IGSF21: variants seen among roughly 807,000 people sequenced by gnomAD.
IGSF21 encodes immunoglobulin superfamily member 21.
In IGSF21, 28 loss-of-function variants were observed where a neutral mutation model predicts 46.8. That is an observed-to-expected ratio of 0.60 (90% CI 0.44 to 0.82). IGSF21 has a LOEUF of 0.82. Ranked by LOEUF, IGSF21 falls within the 40% of genes least tolerant of loss-of-function variation. IGSF21 has a pLI of 0.00. For missense variants in IGSF21, 624 were observed against 665.5 expected (o/e 0.94, Z 0.69); for synonymous variants, 284 against 273.6 (o/e 1.04, Z -0.38).
At chr1:18,199,898 C>A (rs181868651) in intron 1 of IGSF21, among the ~76,000 whole-genome samples, 5 of 147,068 alleles carry the variant, frequency 3.4e-5, no homozygotes, top group East Asian at 2.0e-4. Flanking sequence ...CCCGGCCCCC[C>A]CCTACCCCCG....
chr1:18,342,702 G>C (rs1050602537), intron 4 of IGSF21, among the ~76,000 whole-genome samples: 1 of 152,156 alleles, frequency 6.6e-6, no homozygotes, highest in African/African-American at 2.4e-5. Context: ...GTCTTTTGTG[G>C]CTAGTTTCTT....
At chr1:18,185,900 T>TCTGAGC (rs1050694445) in intron 1 of IGSF21, among the ~76,000 whole-genome samples, 10 of 152,228 alleles carry the variant, frequency 6.6e-5, no homozygotes, top group African/African-American at 2.4e-4. Context: ...ATTGCCCCTC[T>TCTGAGC]CTGAGCCTCA....
At chr1:18,270,158 T>C (rs2085029117) in intron 2 of IGSF21, among the ~76,000 whole-genome samples, 1 of 152,180 alleles carries the variant, frequency 6.6e-6, no homozygotes, top group African/African-American at 2.4e-5. Context: ...TTTCTTGTGG[T>C]TGAACTACCA....
At chr1:18,216,835 T>G (rs1057321600) in intron 1 of IGSF21, among the ~76,000 whole-genome samples, 3 of 152,108 alleles carry the variant, frequency 2.0e-5, no homozygotes, top group Non-Finnish European at 1.5e-5. Context: ...CTAGAAGATA[T>G]GGTTGCAGTA....
At chr1:18,208,548 A>ATTTTTTTTTTT (rs10601446) in intron 1 of IGSF21, among the ~76,000 whole-genome samples, 1 of 85,852 alleles carries the variant, frequency 1.2e-5, no homozygotes, top group African/African-American at 4.5e-5. Flanking sequence ...AGCCCAGCTA[A>ATTTTTTTTTTT]TTTTTTTTTT....
intron 1 of IGSF21, among the ~76,000 whole-genome samples, chr1:18,132,654 C>T (rs866828351): frequency 2.5e-4 from 38 of 152,120 alleles, no homozygotes; most frequent in African/African-American, 8.7e-4. Flanking sequence ...CTTTTCTTCT[C>T]CCTGGCAAAG....
At chr1:18,169,838 G>T (rs1382487255) in intron 1 of IGSF21, among the ~76,000 whole-genome samples, 7 of 152,148 alleles carry the variant, frequency 4.6e-5, no homozygotes, top group African/African-American at 1.7e-4. Context: ...GCTGCCTGTT[G>T]ATGGGGGAGG....
chr1:18,180,559 G>A lies in IGSF21; in HGVS notation c.71-47339G>A, dbSNP rs74055953. On this transcript the variant is annotated intron_variant, in intron 1 of 9. Transcript: ENST00000251296. Reference sequence around the variant, plus strand: ...CAAGGTTTGAGCAAAAAAGTGGTTTGGAAGGCGCAGTTATGGAAGGATGAG... The same window carrying A: ...CAAGGTTTGAGCAAAAAAGTGGTTTAGAAGGCGCAGTTATGGAAGGATGAG... 4.0e-3 allele frequency among the ~76,000 whole-genome samples: 615 copies of A among 152,282 alleles called. 5 individuals carry two copies. The highest frequency in any genetic ancestry group is 0.014 in the African/African-American group (590 of 41,546).
At chr1:18,291,767 T>C (rs2124565710) in intron 2 of IGSF21, 99 bp from the exon 3 acceptor site, 1 of 1,438,768 alleles carries the variant, frequency 7.0e-7, no homozygotes, top group South Asian at 1.3e-5. Flanking sequence ...GCTGTCCTTC[T>C]TCTGGGCTTC....
chr1:18,296,712 CA>C (rs984379706), intron 3 of IGSF21, among the ~76,000 whole-genome samples: 4 of 152,170 alleles, frequency 2.6e-5, no homozygotes, highest in African/African-American at 9.7e-5. Context: ...ACCCCCTCCC[CA>C]TGGAATGTGG....
intron 1 of IGSF21, among the ~76,000 whole-genome samples, chr1:18,197,886 A>G (rs1343969599): frequency 6.6e-6 from 1 of 152,192 alleles, no homozygotes; most frequent in East Asian, 1.9e-4. Context: ...ACTGTGTCTT[A>G]GCTGTGCTGA....
intron 2 of IGSF21, among the ~76,000 whole-genome samples, chr1:18,251,405 G>C (rs116227214): frequency 1.3e-5 from 2 of 152,094 alleles, no homozygotes; most frequent in Admixed American, 6.5e-5. Flanking sequence ...TCTTATTCAC[G>C]GAAAGTTGGA....
chr1:18,335,027 T>G lies in IGSF21; in HGVS notation c.424+17T>G, dbSNP rs765108131. ...ACGTCATGGGTGAGTGCAGGGCCAC[T>G]GGCCCCTGGTGTCTCAGTGAGGAGG... is the stretch of plus-strand genomic sequence containing the variant. On this transcript the variant is annotated intron_variant, in intron 4 of 9. Transcript: ENST00000251296. The surrounding 1 kb of genome is among the most constrained non-coding windows in gnomAD (Gnocchi z 4.8). 2.5e-6 allele frequency: 4 copies of G among 1,575,170 alleles called. No individual in the cohort carries two copies. The highest frequency in any genetic ancestry group is 3.5e-6 in the Non-Finnish European group (4 of 1,144,412).
intron 1 of IGSF21, chr1:18,178,912 G>A (rs776897443): frequency 4.6e-5 from 7 of 152,156 alleles, no homozygotes; most frequent in Non-Finnish European, 8.8e-5. Context: ...TTAGATAACC[G>A]TGACACCTGT....
intron 1 of IGSF21, among the ~76,000 whole-genome samples, chr1:18,208,240 A>T (rs903738367): frequency 4.6e-5 from 7 of 151,064 alleles, no homozygotes; most frequent in African/African-American, 1.5e-4. Context: ...AACCCACCTG[A>T]TCTCCTTGCC....
rs188540402 is a variant in IGSF21 at position 18,266,275 on chromosome 1, C to T, written c.184-25591C>T. Among the ~76,000 whole-genome samples, 27 of 152,256 alleles carry T rather than the reference C, an allele frequency of 1.8e-4. No individual in the cohort carries two copies. In the East Asian group the frequency reaches 2.5e-3, roughly 14 times the overall value. On this transcript the variant is annotated intron_variant, in intron 2 of 9. Transcript: ENST00000251296. ...GGTAACTTGTTCCAGGCCACACAGCCAGTATATGGTAGAGCCAGGAGCTGA... is the reference window on the plus strand; with the variant it reads ...GGTAACTTGTTCCAGGCCACACAGCTAGTATATGGTAGAGCCAGGAGCTGA...
chr1:18,227,518 C>T (rs902374829), intron 1 of IGSF21, among the ~76,000 whole-genome samples: 1 of 151,552 alleles, frequency 6.6e-6, no homozygotes, highest in East Asian at 1.9e-4. Flanking sequence ...GGTGGAGGGG[C>T]GATGTTGGGG....
rs931376652 is a variant in IGSF21 at position 18,310,539 on chromosome 1, G to A, written c.305+18552G>A. Among the ~76,000 whole-genome samples the A allele has an allele frequency of 4.6e-5, 7 of 152,352 alleles. 1 individual carries two copies. The highest frequency in any genetic ancestry group is 1.7e-4 in the African/African-American group (7 of 41,586). Reference sequence around the variant, plus strand: ...CTGTTGCTTCCAGTTTTTGAGCCATGACAAGTAAAGCTGCTTTGAATGTAA... The same window carrying A: ...CTGTTGCTTCCAGTTTTTGAGCCATAACAAGTAAAGCTGCTTTGAATGTAA... On this transcript the variant is annotated intron_variant, in intron 3 of 9. Transcript: ENST00000251296.
chr1:18,121,179 A>G (rs1366725216), intron 1 of IGSF21, among the ~76,000 whole-genome samples: 3 of 152,106 alleles, frequency 2.0e-5, no homozygotes, highest in African/African-American at 7.2e-5. Context: ...ACCCTTGCAG[A>G]TGGGGGAAGG....
Sources: gnomAD v4.1 joint callset for allele counts (sites outside exome capture counted in the v4.1 genomes callset) on GRCh38, gnomAD v4.1.1 for gene constraint, Gnocchi (gnomAD v3.1) non-coding constraint, MANE v1.5 for transcripts, NCBI Gene and HGNC (gene_info 2026-07-23, HGNC 2026-07-21) for gene names.